Variants in RPTOR observed in about 807,000 individuals in gnomAD.
The protein encoded by RPTOR is regulatory-associated protein of mTOR.
A neutral mutation model predicts 169.9 loss-of-function variants in RPTOR; 21 were observed. That is an observed-to-expected ratio of 0.12 (90% CI 0.09 to 0.18). The LOEUF (loss-of-function observed/expected upper bound fraction) is 0.18, where lower values mean the gene tolerates loss of function less well. RPTOR is among the 10% of genes least tolerant of loss of function. The pLI is 1.00. For synonymous variants in RPTOR, 732 were observed against 753.2 expected (o/e 0.97, Z 0.46); for missense variants, 1,133 against 1,855.9 (o/e 0.61, Z 7.16).
At chr17:80,771,758 G>A (rs773971492) in intron 6 of RPTOR, among the ~76,000 whole-genome samples, 5 of 152,122 alleles carry the variant, frequency 3.3e-5, no homozygotes, top group Non-Finnish European at 7.4e-5. Context: ...GAACCCTCGT[G>A]TCCCTCAGCC....
chr17:80,676,948 A>G (rs745800800), intron 3 of RPTOR, among the ~76,000 whole-genome samples: 2 of 152,136 alleles, frequency 1.3e-5, no homozygotes, highest in Non-Finnish European at 2.9e-5. Flanking sequence ...GTATTTTAAT[A>G]ATCAGTTTCA....
intron 5 of RPTOR, among the ~76,000 whole-genome samples, chr17:80,742,448 TAC>T (rs10558917): frequency 0.55 from 83,567 of 150,776 alleles, 23,274 homozygotes; most frequent in African/African-American, 0.59. Context: ...GAGGAGCAGG[TAC>T]ACACACACAC....
chr17:80,829,794 ATCG>A (rs2067483807), intron 9 of RPTOR, among the ~76,000 whole-genome samples: 1 of 152,230 alleles, frequency 6.6e-6, no homozygotes, highest in Non-Finnish European at 1.5e-5. Flanking sequence ...AAGGTCTGAC[ATCG>A]TGTCTTCTTG....
intron 33 of RPTOR, 46 bp from the exon 34 acceptor site, chr17:80,964,211 CAGTGT>C: frequency 1.5e-6 from 2 of 1,328,154 alleles, no homozygotes; most frequent in Non-Finnish European, 2.1e-6. Context: ...CCGCCCCCCG[CAGTGT>C]CTGCCCGCAC....
intron 2 of RPTOR, among the ~76,000 whole-genome samples, chr17:80,634,370 CTGTG>C (rs751388424): frequency 1.4e-5 from 1 of 70,854 alleles, no homozygotes; most frequent in African/African-American, 6.7e-5. Flanking sequence ...TGTGTGCATA[CTGTG>C]TGTGTGCATA....
chr17:80,747,743 C>T (rs1422850118), intron 5 of RPTOR, among the ~76,000 whole-genome samples: 1 of 152,230 alleles, frequency 6.6e-6, no homozygotes, highest in Non-Finnish European at 1.5e-5. Context: ...ACTTCTTGGT[C>T]CCTAAGGAAG....
intron 1 of RPTOR, among the ~76,000 whole-genome samples, chr17:80,598,779 A>G (rs780858804): frequency 6.6e-6 from 1 of 152,228 alleles, no homozygotes; most frequent in African/African-American, 2.4e-5. Flanking sequence ...ATACCGTCAC[A>G]GTAGAATCCA....
At chr17:80,608,036 G>A (rs887593343) in intron 1 of RPTOR, among the ~76,000 whole-genome samples, 1 of 152,176 alleles carries the variant, frequency 6.6e-6, no homozygotes, top group Non-Finnish European at 1.5e-5. Context: ...TGCTGACGGT[G>A]TATTGCTAAT....
At chr17:80,831,846 C>A (rs113088628) in intron 9 of RPTOR, among the ~76,000 whole-genome samples, 1 of 22,014 alleles carries the variant, frequency 4.5e-5, no homozygotes, top group Admixed American at 4.7e-4. Flanking sequence ...ACTGTGTATC[C>A]CTGTGTGTGC....
chr17:80,871,401 G>C (rs2068050945), intron 13 of RPTOR, among the ~76,000 whole-genome samples: 1 of 152,314 alleles, frequency 6.6e-6, no homozygotes, highest in South Asian at 2.1e-4. Flanking sequence ...ATTGGGATTT[G>C]GAGAGGAAGA....
chr17:80,799,030 C>T (rs534075492), intron 7 of RPTOR, among the ~76,000 whole-genome samples: 2 of 152,178 alleles, frequency 1.3e-5, no homozygotes, highest in African/African-American at 2.4e-5. Flanking sequence ...CCTGGGGAAG[C>T]GTTTGCATTG....
Position 80,953,489 on chromosome 17 carries a change from C to T in RPTOR, c.3370+3942C>T, listed in dbSNP as rs2069208599. 2.0e-5 allele frequency among the ~76,000 whole-genome samples: 3 copies of T among 152,254 alleles called. No homozygotes were observed. The South Asian group carries it at 6.2e-4, about 31-fold the overall frequency. ...AACTTAGAAAATGTCTGTGCCAAGC[C>T]AAGCCCTCTGTGCTTGTGGATCTGC... On this transcript the variant is annotated intron_variant, in intron 28 of 33. Coordinates refer to ENST00000306801, the MANE Select transcript of RPTOR (RefSeq NM_020761.3).
chr17:80,706,136 C>T (rs1004179702), intron 3 of RPTOR, among the ~76,000 whole-genome samples: 4 of 152,136 alleles, frequency 2.6e-5, no homozygotes, highest in African/African-American at 9.7e-5. Flanking sequence ...TAATCCCCAC[C>T]CAGAGGCAAA....
chr17:80,590,313 C>T (rs956165521), intron 1 of RPTOR, among the ~76,000 whole-genome samples: 1 of 148,718 alleles, frequency 6.7e-6, no homozygotes, highest in Non-Finnish European at 1.5e-5. Context: ...CGTGTGTTAG[C>T]ATGGTGAAGG....
At chr17:80,893,495 C>CTATG (rs1310952683) in intron 19 of RPTOR, among the ~76,000 whole-genome samples, 9 of 138,974 alleles carry the variant, frequency 6.5e-5, no homozygotes, top group African/African-American at 2.2e-4. Flanking sequence ...GTGTGTGCGC[C>CTATG]AGGGTGTGTG....
chr17:80,669,488 G>T (rs978670595), intron 3 of RPTOR, among the ~76,000 whole-genome samples: 5 of 152,172 alleles, frequency 3.3e-5, no homozygotes, highest in African/African-American at 1.2e-4. Flanking sequence ...AGGTTCAAGC[G>T]ATTCTCCTGC....
At chr17:80,716,929 T>G (rs1488091904) in intron 4 of RPTOR, among the ~76,000 whole-genome samples, 1 of 152,260 alleles carries the variant, frequency 6.6e-6, no homozygotes, top group East Asian at 1.9e-4. Flanking sequence ...TTGGCCTATG[T>G]GCCTGTTTTT....
intron 19 of RPTOR, among the ~76,000 whole-genome samples, 191 bp from the exon 20 acceptor site, chr17:80,893,514 GGT>G (rs2068359357): frequency 6.7e-6 from 1 of 150,300 alleles, no homozygotes; most frequent in South Asian, 2.1e-4. Flanking sequence ...TGTGTATGAG[GGT>G]GTGTGTATGT....
rs148017572 is a variant in RPTOR at position 80,885,022 on chromosome 17, G to A, written c.1857G>A (p.Ala619=). ...SDPIPEVRCA[A]VFALGTFVGN... is the part of the protein sequence containing the mutation. ...CCGCCTTGCAGGTCCGCTGCGCAGC[G>A]GTCTTCGCCCTTGGCACGTTCGTGG... Residue 619 remains alanine (A), a synonymous_variant, in exon 17 of 34, where the codon GCG becomes GCA. Coordinates refer to ENST00000306801, the MANE Select transcript of RPTOR (RefSeq NM_020761.3). 475 of 1,609,564 alleles carry A rather than the reference G, an allele frequency of 3.0e-4. 3 individuals are homozygous for A. In the South Asian group the frequency reaches 3.2e-3, roughly 11 times the overall value.
Sources: allele counts gnomAD v4.1 joint callset (sites outside exome capture counted in the v4.1 genomes callset), GRCh38; gene constraint gnomAD v4.1.1; transcripts MANE v1.5; gene names NCBI Gene and HGNC (gene_info 2026-07-23, HGNC 2026-07-21).